TSPAN33: variants seen among roughly 807,000 people sequenced by gnomAD.
TSPAN33 encodes tetraspanin 33.
Under a neutral mutation model 34.8 loss-of-function variants are expected in TSPAN33, and 27 were observed. The observed-to-expected ratio is 0.78, with a 90% CI of 0.57 to 1.07. The LOEUF is 1.07. Ranked by LOEUF, TSPAN33 falls within the 50% of genes least tolerant of loss-of-function variation. The probability of loss-of-function intolerance (pLI) is 0.00; values close to 1 mark genes in which losing one functional copy is unlikely to be tolerated. For synonymous variants in TSPAN33, 119 were observed against 124.2 expected, an observed-to-expected ratio of 0.96 and a Z score of 0.28; for missense variants, 272 against 324.9, an observed-to-expected ratio of 0.84 and a Z score of 1.25.
chr7:129,163,813 C>CA (rs1318935567), intron 4 of TSPAN33, among the ~76,000 whole-genome samples: 1 of 151,924 alleles, frequency 6.6e-6, no homozygotes, highest in African/African-American at 2.4e-5. Flanking sequence ...TAAAAAACAC[C>CA]AAAAAAATTA....
Position 129,166,870 on chromosome 7 carries a change from T to A in TSPAN33, c.552T>A (p.Ser184=). The A allele has an allele frequency of 6.2e-7, 1 of 1,614,128 alleles. No individual in the cohort carries two copies. The highest frequency in any genetic ancestry group is 2.2e-5 in the East Asian group (1 of 44,878). Reference sequence around the variant, plus strand: ...ACAACCCCAGTCGAGAGCGCTGCTCTGTGCCTTACTCCTGTTGCTTGCCTA... The same window carrying A: ...ACAACCCCAGTCGAGAGCGCTGCTCAGTGCCTTACTCCTGTTGCTTGCCTA... ...SEDNPSRERC[S]VPYSCCLPTP... is the part of the protein sequence containing the mutation. The change falls in exon 6 of 8, where the codon TCT becomes TCA. Residue 184 remains serine, a synonymous_variant. Coordinates refer to ENST00000486685, the MANE Select transcript of TSPAN33 (RefSeq NM_178562.5).
intron 2 of TSPAN33, 117 bp downstream of exon 2, chr7:129,161,853 A>C: frequency 2.3e-6 from 3 of 1,294,550 alleles, no homozygotes; most frequent in Non-Finnish European, 2.2e-6. Flanking sequence ...GCCTCCCTGG[A>C]GCCAAATCTT....
At chr7:129,153,485 G>A (rs184036647) in intron 1 of TSPAN33, among the ~76,000 whole-genome samples, 54 of 152,260 alleles carry the variant, frequency 3.5e-4, no homozygotes, top group Admixed American at 2.2e-3. Flanking sequence ...AAGAATTAAA[G>A]CCAAGAGACT....
chr7:129,147,788 G>A (rs1810541018), intron 1 of TSPAN33, among the ~76,000 whole-genome samples: 1 of 152,222 alleles, frequency 6.6e-6, no homozygotes, highest in Non-Finnish European at 1.5e-5. Context: ...TAGTGGTGCT[G>A]GTGGTGATGG....
intron 2 of TSPAN33, 137 bp downstream of exon 2, chr7:129,161,873 C>A: frequency 9.6e-7 from 1 of 1,044,394 alleles, no homozygotes; most frequent in Non-Finnish European, 1.4e-6. Flanking sequence ...TCATGGTCTA[C>A]GTAGGTGTCA....
chr7:129,161,994 A>G (rs1013159782), intron 2 of TSPAN33, among the ~76,000 whole-genome samples: 1 of 152,146 alleles, frequency 6.6e-6, no homozygotes, highest in Non-Finnish European at 1.5e-5. Context: ...GGCCCCTGGG[A>G]GCAGAGAGTC....
At position 129,148,787 on chromosome 7, in the gene TSPAN33, TG is replaced by T. The variant is rs1385666234; in HGVS notation, c.102+3706del. Among the ~76,000 whole-genome samples, 1 of 152,200 alleles carries T rather than the reference TG, an allele frequency of 6.6e-6. No individual in the cohort carries two copies. On this transcript the variant is annotated intron_variant, in intron 1 of 7. Coordinates refer to ENST00000486685, the MANE Select transcript of TSPAN33 (RefSeq NM_178562.5). The surrounding 1 kb of genome is among the most constrained non-coding windows in gnomAD (Gnocchi z 4.2). ...ACCCTTGTCCAGGTCTTCCCTAGGC[TG>T]AGCCAAGCCACCAGTGGGGCATCTT...
At chr7:129,150,892 C>T (rs1810584569) in intron 1 of TSPAN33, among the ~76,000 whole-genome samples, 2 of 151,908 alleles carry the variant, frequency 1.3e-5, no homozygotes, top group Admixed American at 6.6e-5. Flanking sequence ...TGCTCACATT[C>T]TCACCATAAC....
chr7:129,159,018 G>A (rs1793005833), intron 1 of TSPAN33, among the ~76,000 whole-genome samples: 1 of 149,798 alleles, frequency 6.7e-6, no homozygotes, highest in Non-Finnish European at 1.5e-5. Flanking sequence ...CAAAGTGCTG[G>A]GATTACAGGC....
chr7:129,162,931 TC>T (rs1252425776), intron 4 of TSPAN33, 24 bp downstream of exon 4: 1 of 1,610,372 alleles, frequency 6.2e-7, no homozygotes, highest in Non-Finnish European at 8.5e-7. Flanking sequence ...CCAGGAGGCC[TC>T]CTCAGGTGTG....
Position 129,167,696 on chromosome 7 carries a change from G to A in TSPAN33, c.751-77G>A, listed in dbSNP as rs949389479. On this transcript the variant is annotated intron_variant, in intron 7 of 7. Transcript: ENST00000486685. This position sits in a 1 kb window ranked among gnomAD's most constrained non-coding sequence, Gnocchi z 4.6. ...GGTAGGGAAAGGGATAGTGCTGGCCGCACTGGGAAGATCGAGCCAGGGAAA... is the reference window on the plus strand; with the variant it reads ...GGTAGGGAAAGGGATAGTGCTGGCCACACTGGGAAGATCGAGCCAGGGAAA... The A allele has an allele frequency of 3.4e-5, 54 of 1,570,260 alleles. No homozygotes were observed. The highest frequency in any genetic ancestry group is 3.5e-4 in the Middle Eastern group (2 of 5,742).
Position 129,167,614 on chromosome 7 carries a change from G to A in TSPAN33, c.750+54G>A. 1.3e-6 allele frequency: 2 copies of A among 1,595,234 alleles called. No homozygotes were observed. The highest frequency in any genetic ancestry group is 1.7e-6 in the Non-Finnish European group (2 of 1,167,850). On this transcript the variant is annotated intron_variant, in intron 7 of 7. Transcript: ENST00000486685. The surrounding 1 kb of genome is among the most constrained non-coding windows in gnomAD (Gnocchi z 4.6). The stretch of plus-strand genomic sequence containing the variant: ...CCACACACTCTGTAAAGACTCCTTT[G>A]TTTTGGGGAAGGCACCTGGGGATCA...
rs1470918189 is a variant in TSPAN33, at chr7:129,148,174, C to T, written c.102+3092C>T. Among the ~76,000 whole-genome samples, 2 of 152,174 alleles carry T rather than the reference C, an allele frequency of 1.3e-5. No homozygotes were observed. The highest frequency in any genetic ancestry group is 2.9e-5 in the Non-Finnish European group (2 of 68,038). ...AATATTCAGTGCCGCCCACCTCCTT[C>T]CTCGCTGGTCCTTTTCCCACTCAGG... On this transcript the variant is annotated intron_variant, in intron 1 of 7. Coordinates refer to ENST00000486685, the MANE Select transcript of TSPAN33 (RefSeq NM_178562.5). This position sits in a 1 kb window ranked among gnomAD's most constrained non-coding sequence, Gnocchi z 4.2.
intron 1 of TSPAN33, among the ~76,000 whole-genome samples, chr7:129,158,041 C>G (rs1180868420): frequency 6.6e-6 from 1 of 152,234 alleles, no homozygotes; most frequent in African/African-American, 2.4e-5. Flanking sequence ...GAGCTCGCCT[C>G]CTTGCCTGCT....
intron 1 of TSPAN33, among the ~76,000 whole-genome samples, chr7:129,145,967 A>G (rs1331844088): frequency 6.6e-6 from 1 of 152,016 alleles, no homozygotes; most frequent in Non-Finnish European, 1.5e-5. Context: ...ATGCAATGCC[A>G]GCTCGACCCT....
chr7:129,164,444 G>A (rs369583059), intron 4 of TSPAN33, 30 bp from the exon 5 acceptor site: 6 of 1,603,618 alleles, frequency 3.7e-6, no homozygotes, highest in East Asian at 2.2e-5. Flanking sequence ...TTAGTCCTGT[G>A]TTCTGATTCC....
chr7:129,162,551 C>A (rs1270739482), intron 3 of TSPAN33, 30 bp downstream of exon 3: 1 of 1,608,376 alleles, frequency 6.2e-7, no homozygotes. Flanking sequence ...CTGGAAAGAC[C>A]CTGGCCCTCT....
intron 5 of TSPAN33, chr7:129,164,823 A>G (rs1793114051): frequency 4.9e-6 from 2 of 405,798 alleles, no homozygotes; most frequent in South Asian, 2.6e-5. Flanking sequence ...ATTCTTGAAT[A>G]TTACCTCTTC....
At chr7:129,152,828 G>A (rs892749338) in intron 1 of TSPAN33, among the ~76,000 whole-genome samples, 35 of 152,034 alleles carry the variant, frequency 2.3e-4, no homozygotes, top group Admixed American at 2.6e-4. Context: ...GGAGGCCAAG[G>A]CAGGAGGATC....
Sources: gnomAD v4.1 joint callset for allele counts (sites outside exome capture counted in the v4.1 genomes callset) on GRCh38, gnomAD v4.1.1 for gene constraint, Gnocchi (gnomAD v3.1) non-coding constraint, MANE v1.5 for transcripts, NCBI Gene and HGNC (gene_info 2026-07-23, HGNC 2026-07-21) for gene names.